Variants in HPSE2 observed in about 807,000 individuals in gnomAD.
HPSE2 encodes heparanase 2 (inactive).
In HPSE2, 38 loss-of-function variants were observed where a neutral mutation model predicts 60.5. The ratio of observed to expected loss-of-function variants is 0.63; its 90% CI spans 0.48 to 0.82. The LOEUF is 0.82. HPSE2 is among the 40% of genes least tolerant of loss of function. The pLI is 0.00. For synonymous variants in HPSE2, 295 were observed against 293.2 expected, an observed-to-expected ratio of 1.01 and a Z score of -0.06; for missense variants, 713 against 740.4, an observed-to-expected ratio of 0.96 and a Z score of 0.43.
chr10:98,761,023 T>C (rs942627227), intron 3 of HPSE2, among the ~76,000 whole-genome samples: 3 of 152,124 alleles, frequency 2.0e-5, no homozygotes, highest in Admixed American at 6.6e-5. Flanking sequence ...TTTCTATTTG[T>C]TTATGGTTTA....
chr10:98,678,498 A>T (rs1947704625), intron 6 of HPSE2, among the ~76,000 whole-genome samples: 1 of 152,128 alleles, frequency 6.6e-6, no homozygotes, highest in South Asian at 2.1e-4. Flanking sequence ...ATGCTGATCT[A>T]GAAACTACAC....
At chr10:99,225,652 G>T (rs1849448981) in intron 2 of HPSE2, among the ~76,000 whole-genome samples, 1 of 152,080 alleles carries the variant, frequency 6.6e-6, no homozygotes, top group Admixed American at 6.6e-5. Flanking sequence ...GGGGATGAAT[G>T]TGTCTAGTGA....
At chr10:98,734,902 CACACACACAA>C (rs1160230234) in intron 4 of HPSE2, among the ~76,000 whole-genome samples, 4 of 151,320 alleles carry the variant, frequency 2.6e-5, no homozygotes, top group Non-Finnish European at 5.9e-5. Flanking sequence ...CACACACACA[CACACACACAA>C]ACACACACAA....
At chr10:99,223,370 G>A (rs960076607) in intron 2 of HPSE2, among the ~76,000 whole-genome samples, 1 of 152,106 alleles carries the variant, frequency 6.6e-6, no homozygotes, top group South Asian at 2.1e-4. Context: ...GGGCTGCAGA[G>A]AAACATTCAT....
intron 7 of HPSE2, among the ~76,000 whole-genome samples, chr10:98,638,170 G>C (rs1293453335): frequency 6.9e-6 from 1 of 144,976 alleles, no homozygotes; most frequent in Non-Finnish European, 1.5e-5. Flanking sequence ...AAAAGGCTGG[G>C]TGCAGTGGCT....
chr10:98,744,068 C>G lies in HPSE2; in HGVS notation c.611-12G>C, dbSNP rs764841601. ...GTCTAGAGACCTGGCTGGGAAGAAG[C>G]AGAGAAAGGCTTGTAACTTTCAAAT... On this transcript the variant is annotated splice_polypyrimidine_tract_variant and intron_variant, in intron 3 of 11. Coordinates refer to ENST00000370552, the MANE Select transcript of HPSE2 (RefSeq NM_021828.5). The G allele has an allele frequency of 2.4e-5, 38 of 1,612,380 alleles. No individual in the cohort carries two copies. The highest frequency in any genetic ancestry group is 2.3e-4 in the Admixed American group (14 of 59,798).
chr10:98,929,069 G>A lies in HPSE2; in HGVS notation c.611-185013C>T, dbSNP rs1954571563. ...GAAAAAAACAAACAAACAAGCTTAAGCTTTTATTTATCCATTTACCACCAA... is the reference window on the plus strand; with the variant it reads ...GAAAAAAACAAACAAACAAGCTTAAACTTTTATTTATCCATTTACCACCAA... On this transcript the variant is annotated intron_variant, in intron 3 of 11. Coordinates refer to ENST00000370552, the MANE Select transcript of HPSE2 (RefSeq NM_021828.5). Among the ~76,000 whole-genome samples, 2 of 143,036 alleles carry A rather than the reference G, an allele frequency of 1.4e-5. 1 individual carries two copies. Among genetic ancestry groups the A allele is most frequent in the South Asian group, 4.2e-4 (2 of 4,716 alleles). The allele number at this position is 143,036 out of a possible 152,430, so 93.8% of individuals were successfully genotyped here. A position where few individuals can be genotyped will look rare whatever the true frequency, so the allele number is the denominator to read the frequency against.
intron 3 of HPSE2, among the ~76,000 whole-genome samples, chr10:99,067,927 T>G (rs1842665648): frequency 6.6e-6 from 1 of 152,100 alleles, no homozygotes; most frequent in Non-Finnish European, 1.5e-5. Flanking sequence ...CTTGAATACT[T>G]TTAGAAATTT....
intron 4 of HPSE2, among the ~76,000 whole-genome samples, chr10:98,733,941 TCACAA>T (rs1477326212): frequency 1.3e-5 from 2 of 152,326 alleles, no homozygotes; most frequent in South Asian, 2.1e-4. Context: ...TGTGCAACCA[TCACAA>T]CACATTTTAG....
intron 3 of HPSE2, among the ~76,000 whole-genome samples, chr10:99,039,409 T>A (rs1957684329): frequency 6.6e-6 from 1 of 152,018 alleles, no homozygotes; most frequent in Admixed American, 6.6e-5. Flanking sequence ...TACTTGCCTT[T>A]CCCAACTGGC....
At chr10:99,165,529 G>GTATT (rs71009726) in intron 2 of HPSE2, among the ~76,000 whole-genome samples, 100,791 of 143,980 alleles carry the variant, frequency 0.7, 40,820 homozygotes, top group Non-Finnish European at 0.9. Context: ...ATTTATTTAC[G>GTATT]TATTTATTTA....
At chr10:99,085,542 A>G (rs753405064) in intron 3 of HPSE2, among the ~76,000 whole-genome samples, 5 of 152,202 alleles carry the variant, frequency 3.3e-5, no homozygotes, top group Non-Finnish European at 5.9e-5. Flanking sequence ...TATGACATCC[A>G]TCATACTGCT....
chr10:99,094,530 ATATATATATATTTTTTTTTTTTTTT>A (rs1843637089), intron 3 of HPSE2, among the ~76,000 whole-genome samples: 1 of 16,812 alleles, frequency 5.9e-5, no homozygotes. Context: ...ATATATATAT[ATATATATATATTTTTTTTTTTTTTT>A]TTTTTTTTTT....
chr10:98,959,739 G>A (rs1275435046), intron 3 of HPSE2, among the ~76,000 whole-genome samples: 1 of 152,024 alleles, frequency 6.6e-6, no homozygotes, highest in African/African-American at 2.4e-5. Flanking sequence ...GATTGGGGGT[G>A]GAGGCCTTCA....
At chr10:98,853,090 T>A (rs1049669678) in intron 3 of HPSE2, among the ~76,000 whole-genome samples, 1 of 152,260 alleles carries the variant, frequency 6.6e-6, no homozygotes, top group African/African-American at 2.4e-5. Context: ...GTTGCAAATG[T>A]CACAGAGACA....
intron 9 of HPSE2, among the ~76,000 whole-genome samples, chr10:98,517,951 C>T (rs1446389418): frequency 6.6e-6 from 1 of 152,192 alleles, no homozygotes; most frequent in East Asian, 1.9e-4. Flanking sequence ...ATGTTTTCTT[C>T]CTTCAATGCT....
intron 5 of HPSE2, among the ~76,000 whole-genome samples, chr10:98,716,736 CT>C (rs1418139658): frequency 6.6e-6 from 1 of 152,082 alleles, no homozygotes; most frequent in East Asian, 1.9e-4. Context: ...AAATTAATTT[CT>C]TTTGTACATT....
At chr10:98,910,501 A>G (rs1953950234) in intron 3 of HPSE2, among the ~76,000 whole-genome samples, 1 of 152,122 alleles carries the variant, frequency 6.6e-6, no homozygotes, top group South Asian at 2.1e-4. Context: ...TGTTTTATGT[A>G]TTTTTCAGTT....
At chr10:98,730,992 A>T (rs186631698) in intron 4 of HPSE2, among the ~76,000 whole-genome samples, 1 of 152,298 alleles carries the variant, frequency 6.6e-6, no homozygotes, top group Admixed American at 6.5e-5. Context: ...CCAGTCAAAG[A>T]CATCACTAGA....
Sources: gnomAD v4.1 joint callset for allele counts (sites outside exome capture counted in the v4.1 genomes callset) on GRCh38, gnomAD v4.1.1 for gene constraint, MANE v1.5 for transcripts, NCBI Gene and HGNC (gene_info 2026-07-23, HGNC 2026-07-21) for gene names.